Variants in SLC24A2 observed in about 807,000 individuals in gnomAD.
SLC24A2 encodes the protein sodium/potassium/calcium exchanger 2.
In SLC24A2, 36 loss-of-function variants were observed where a neutral mutation model predicts 62.0. The observed-to-expected ratio is 0.58, with a 90% CI of 0.44 to 0.77. The LOEUF is 0.77. SLC24A2 is among the 30% of genes least tolerant of loss of function. The probability of loss-of-function intolerance (pLI) is 0.00; values close to 1 mark genes in which losing one functional copy is unlikely to be tolerated. For missense variants in SLC24A2, 846 were observed against 817.9 expected, an observed-to-expected ratio of 1.03 and a Z score of -0.42; for synonymous variants, 358 against 294.0, an observed-to-expected ratio of 1.22 and a Z score of -2.23.
the SLC24A2 span, among the ~76,000 whole-genome samples, chr9:19,877,327 T>A: frequency 6.9e-6 from 1 of 145,376 alleles, no homozygotes; most frequent in African/African-American, 2.5e-5. Flanking sequence ...ATAGTTTGTA[T>A]ATGAAAATGG....
the SLC24A2 span, among the ~76,000 whole-genome samples, chr9:20,131,021 G>A: frequency 6.6e-6 from 1 of 151,338 alleles, no homozygotes; most frequent in South Asian, 2.1e-4. Flanking sequence ...CGAAAATAAT[G>A]AAGAACAATA....
At chr9:19,869,875 C>G in the SLC24A2 span, among the ~76,000 whole-genome samples, 19 of 152,200 alleles carry the variant, frequency 1.2e-4, no homozygotes, top group Non-Finnish European at 1.5e-4. Context: ...ATTCAAGCTA[C>G]TGTCTGGTGT....
the SLC24A2 span, among the ~76,000 whole-genome samples, chr9:20,219,237 C>G: frequency 4.3e-4 from 66 of 152,212 alleles, no homozygotes; most frequent in African/African-American, 1.6e-3. Context: ...GTGAGATGAG[C>G]TGAGGGAGGA....
At chr9:19,991,434 CTGCCTCT>C in the SLC24A2 span, among the ~76,000 whole-genome samples, 1 of 152,292 alleles carries the variant, frequency 6.6e-6, no homozygotes, top group South Asian at 2.1e-4. Context: ...GAAGGTGGGT[CTGCCTCT>C]CCCAGTCCAC....
chr9:19,791,307 T>G (rs1452616335), upstream of SLC24A2, among the ~76,000 whole-genome samples: 1 of 152,000 alleles, frequency 6.6e-6, no homozygotes, highest in Non-Finnish European at 1.5e-5. Context: ...CTTTGTCTTT[T>G]TATTTAGGAA....
the SLC24A2 span, among the ~76,000 whole-genome samples, chr9:19,916,982 T>TTTTG: frequency 4.0e-4 from 3 of 7,522 alleles, 1 homozygote; most frequent in African/African-American, 1.2e-3. Flanking sequence ...AACTTACCTG[T>TTTTG]TTTTTTTTTT....
At chr9:19,690,294 T>C (rs1486928307) in intron 2 of SLC24A2, among the ~76,000 whole-genome samples, 2 of 152,100 alleles carry the variant, frequency 1.3e-5, no homozygotes, top group African/African-American at 4.8e-5. Context: ...TTTGATTTAG[T>C]AGGGGATGGA....
At chr9:19,833,108 G>A in the SLC24A2 span, among the ~76,000 whole-genome samples, 1 of 152,178 alleles carries the variant, frequency 6.6e-6, no homozygotes, top group Non-Finnish European at 1.5e-5. Flanking sequence ...GAGCCAAGAT[G>A]GCCGAATAGG....
intron 7 of SLC24A2, among the ~76,000 whole-genome samples, chr9:19,561,548 C>G (rs543917330): frequency 6.6e-6 from 1 of 150,802 alleles, no homozygotes; most frequent in African/African-American, 2.4e-5. Flanking sequence ...GATTTTCCTG[C>G]CTCAGCCTCC....
intron 2 of SLC24A2, among the ~76,000 whole-genome samples, chr9:19,757,023 A>C (rs1433765257): frequency 1.4e-5 from 2 of 144,562 alleles, no homozygotes; most frequent in Non-Finnish European, 3.0e-5. Flanking sequence ...AATCTTCCTG[A>C]CTCAGCCTCC....
At chr9:19,893,445 T>G in the SLC24A2 span, among the ~76,000 whole-genome samples, 22 of 152,300 alleles carry the variant, frequency 1.4e-4, no homozygotes, top group Non-Finnish European at 1.5e-5. Context: ...TGTTGGGGAA[T>G]AGGAGTTTTT....
chr9:19,878,454 A>G, the SLC24A2 span, among the ~76,000 whole-genome samples: 2 of 152,206 alleles, frequency 1.3e-5, no homozygotes, highest in South Asian at 2.1e-4. Flanking sequence ...ATAATTAAAA[A>G]CAAAATAAGA....
the SLC24A2 span, among the ~76,000 whole-genome samples, chr9:19,999,665 C>T: frequency 1.8e-3 from 272 of 152,250 alleles, 4 homozygotes; most frequent in East Asian, 0.029. Flanking sequence ...TTACTCATCA[C>T]GGAAAGGATC....
the SLC24A2 span, among the ~76,000 whole-genome samples, chr9:20,208,500 GAA>G: frequency 6.6e-6 from 1 of 152,214 alleles, no homozygotes; most frequent in Non-Finnish European, 1.5e-5. Context: ...ACTGCTAAGA[GAA>G]AAGTTTTCTT....
the SLC24A2 span, among the ~76,000 whole-genome samples, chr9:20,048,323 A>T: frequency 6.6e-6 from 1 of 152,202 alleles, no homozygotes; most frequent in African/African-American, 2.4e-5. Context: ...TTGCTTGATA[A>T]GTCAAATGAG....
Position 19,518,133 on chromosome 9 carries a change from T to G in SLC24A2, c.1737-1731A>C, listed in dbSNP as rs543976012. 1.2e-4 allele frequency among the ~76,000 whole-genome samples: 18 copies of G among 152,300 alleles called. No individual in the cohort carries two copies. In the South Asian group the frequency reaches 1.9e-3, roughly 16 times the overall value. Reference sequence around the variant, plus strand: ...TTTACTCAGAAAATGATCATTTCAGTGTTATTTTGAATAATAAAAAGCTGA... The same window carrying G: ...TTTACTCAGAAAATGATCATTTCAGGGTTATTTTGAATAATAAAAAGCTGA... On this transcript the variant is annotated intron_variant, in intron 10 of 10. Transcript: ENST00000341998.
the SLC24A2 span, among the ~76,000 whole-genome samples, chr9:20,270,331 G>C: frequency 3.3e-5 from 5 of 152,072 alleles, no homozygotes; most frequent in Non-Finnish European, 7.4e-5. Context: ...GAGATGTCTA[G>C]GCTATATTTT....
the SLC24A2 span, among the ~76,000 whole-genome samples, chr9:19,872,906 A>G: frequency 6.6e-6 from 1 of 152,210 alleles, no homozygotes; most frequent in Admixed American, 6.5e-5. Flanking sequence ...TCAGTCCTGT[A>G]GTGCTGGAGA....
chr9:19,850,738 C>T, the SLC24A2 span, among the ~76,000 whole-genome samples: 1 of 151,390 alleles, frequency 6.6e-6, no homozygotes, highest in African/African-American at 2.4e-5. Context: ...TATCTTGCTT[C>T]TTCCATTTAA....
Sources: gnomAD v4.1 joint callset for allele counts (sites outside exome capture counted in the v4.1 genomes callset) on GRCh38, gnomAD v4.1.1 for gene constraint, MANE v1.5 for transcripts, NCBI Gene and HGNC (gene_info 2026-07-23, HGNC 2026-07-21) for gene names.